The following CHD9 variants were observed in gnomAD, a reference collection of about 807,000 sequenced individuals.
CHD9 encodes ATP-dependent chromatin remodeler CHD9.
In CHD9, 77 loss-of-function variants were observed where a neutral mutation model predicts 316.1. The observed-to-expected ratio is 0.24, with a 90% confidence interval of 0.20 to 0.29. The LOEUF (loss-of-function observed/expected upper bound fraction) is 0.29, where lower values mean the gene tolerates loss of function less well. CHD9 is among the 10% of genes least tolerant of loss of function. CHD9 has a pLI of 1.00. For missense variants in CHD9, 2,763 were observed against 3,438.1 expected, an observed-to-expected ratio of 0.80 and a Z score of 4.91; for synonymous variants, 1,129 against 1,158.3, an observed-to-expected ratio of 0.97 and a Z score of 0.51.
At chr16:53,315,120 C>A in intron 36 of CHD9, 76 bp downstream of exon 36, 2 of 1,051,868 alleles carry the variant, frequency 1.9e-6, no homozygotes, top group Non-Finnish European at 2.8e-6. Flanking sequence ...AGCATAAATT[C>A]TCATCCACTT....
chr16:53,136,324 C>A lies in CHD9; in HGVS notation c.-164-19602C>A, dbSNP rs192038940. ...GACCTTTCTTGTCTAGTGGTCTTTT[C>A]ATATTAGTTTACTTACTAATCAGTA... On this transcript the variant is annotated intron_variant, in intron 1 of 38. Transcript: ENST00000447540. Among the ~76,000 whole-genome samples, 50 of 152,208 alleles carry A rather than the reference C, an allele frequency of 3.3e-4. 1 individual carries two copies. Among genetic ancestry groups the A allele is most frequent in the African/African-American group, 9.9e-4 (41 of 41,556 alleles).
At chr16:53,236,047 C>T (rs1377679921) in intron 11 of CHD9, among the ~76,000 whole-genome samples, 1 of 152,094 alleles carries the variant, frequency 6.6e-6, no homozygotes, top group Non-Finnish European at 1.5e-5. Flanking sequence ...GAGTCATGGA[C>T]TCAGTCGATG....
intron 2 of CHD9, among the ~76,000 whole-genome samples, chr16:53,189,532 C>CTA (rs1427980774): frequency 2.6e-5 from 4 of 151,358 alleles, no homozygotes; most frequent in South Asian, 2.1e-4. Flanking sequence ...GTATCTCTCT[C>CTA]TCTATATATA....
rs1356366741 is a variant in CHD9 at position 53,098,447 on chromosome 16, G to A, written c.-165+43370G>A. On this transcript the variant is annotated intron_variant, in intron 1 of 38. Transcript: ENST00000447540. Reference sequence around the variant, plus strand: ...GCTGATATGGCTCTGCCCCACTCCAGCCTGGGCAACAGAGTGAGACTCCGT... The same window carrying A: ...GCTGATATGGCTCTGCCCCACTCCAACCTGGGCAACAGAGTGAGACTCCGT... Among the ~76,000 whole-genome samples the A allele has an allele frequency of 2.1e-5, 3 of 142,258 alleles. No homozygotes were observed. The Admixed American group carries it at 2.2e-4, about 10-fold the overall frequency. The allele number at this position is 142,258 out of a possible 152,430, so 93.3% of individuals were successfully genotyped here. A position where few individuals can be genotyped will look rare whatever the true frequency, so the allele number is the denominator to read the frequency against.
At chr16:53,173,693 C>T (rs541035667) in intron 2 of CHD9, among the ~76,000 whole-genome samples, 3 of 152,006 alleles carry the variant, frequency 2.0e-5, no homozygotes, top group African/African-American at 7.2e-5. Context: ...TACGGGTGCC[C>T]GCCACCATGC....
intron 3 of CHD9, among the ~76,000 whole-genome samples, chr16:53,211,267 T>G (rs2046311974): frequency 1.3e-5 from 2 of 152,072 alleles, no homozygotes; most frequent in Admixed American, 6.5e-5. Flanking sequence ...GTAAATCTAG[T>G]TTAAGAAAAA....
At chr16:53,296,672 C>T (rs2054833409) in intron 29 of CHD9, among the ~76,000 whole-genome samples, 1 of 151,878 alleles carries the variant, frequency 6.6e-6, no homozygotes, top group Non-Finnish European at 1.5e-5. Flanking sequence ...GTCTCTATCT[C>T]CTGACCTTGC....
chr16:53,195,106 G>C (rs988697017), intron 2 of CHD9, among the ~76,000 whole-genome samples: 1 of 152,058 alleles, frequency 6.6e-6, no homozygotes, highest in Non-Finnish European at 1.5e-5. Flanking sequence ...CAAATTAAAA[G>C]TGAACAATTT....
At chr16:53,287,871 C>T (rs911229948) in intron 26 of CHD9, 86 bp from the exon 27 acceptor site, 8 of 1,125,266 alleles carry the variant, frequency 7.1e-6, no homozygotes, top group Non-Finnish European at 1.1e-5. Flanking sequence ...TTAAAACAAA[C>T]TAAAACCCTC....
chr16:53,123,188 C>A (rs991653405), intron 1 of CHD9, among the ~76,000 whole-genome samples: 1 of 145,058 alleles, frequency 6.9e-6, no homozygotes, highest in Non-Finnish European at 1.5e-5. Context: ...TTTTTTTTAA[C>A]CAGCTTTATT....
intron 2 of CHD9, among the ~76,000 whole-genome samples, chr16:53,196,252 C>A (rs570624527): frequency 6.6e-6 from 1 of 152,036 alleles, no homozygotes; most frequent in Non-Finnish European, 1.5e-5. Context: ...TTCATGAAAC[C>A]ACCACCAAAG....
At chr16:53,293,107 TAAA>T in intron 29 of CHD9, 55 bp downstream of exon 29, 1 of 1,437,494 alleles carries the variant, frequency 7.0e-7, no homozygotes, top group Non-Finnish European at 9.6e-7. Flanking sequence ...CTGTTCATTC[TAAA>T]GCCTGTCTGG....
At chr16:53,296,878 A>G (rs909008313) in intron 29 of CHD9, 78 bp from the exon 30 acceptor site, 45 of 919,454 alleles carry the variant, frequency 4.9e-5, no homozygotes, top group Non-Finnish European at 7.3e-5. Context: ...TTAAGTTTGT[A>G]TTATAGTCAT....
chr16:53,279,497 A>G (rs1179767426), intron 24 of CHD9, among the ~76,000 whole-genome samples: 2 of 152,178 alleles, frequency 1.3e-5, no homozygotes, highest in Non-Finnish European at 2.9e-5. Context: ...GTACCCTAGA[A>G]CTTGAAGTAT....
chr16:53,324,560 G>A lies in CHD9; in HGVS notation c.8359G>A (p.Ala2787Thr), dbSNP rs141823764. The change falls in exon 39 of 39, where the codon GCT becomes ACT. Residue 2787 changes from alanine (A) to threonine (T), a missense_variant. Coordinates refer to ENST00000447540, the MANE Select transcript of CHD9 (RefSeq NM_001308319.2). ...TACTGCTGCATTAAATACAGCTGCA[G>A]CTGCCAACCCATTAGCTCTTAACCC... ...SSTAALNTAA[A>T]ANPLALNPLL... 1.2e-6 allele frequency: 2 copies of A among 1,613,802 alleles called. No individual in the cohort carries two copies. The highest frequency in any genetic ancestry group is 1.3e-5 in the African/African-American group (1 of 75,050).
In CHD9 at chr16:53,146,413, G is replaced by GTGTA. The variant is rs1351343833; in HGVS notation, c.-164-9507_-164-9504dup. 2.0e-4 allele frequency among the ~76,000 whole-genome samples: 5 copies of GTGTA among 24,482 alleles called. 1 individual carries two copies. The highest frequency in any genetic ancestry group is 7.8e-4 in the African/African-American group (3 of 3,840). The allele number at this position is 24,482 out of a possible 152,430, so 16.1% of individuals were successfully genotyped here. A position where few individuals can be genotyped will look rare whatever the true frequency, so the allele number is the denominator to read the frequency against. On this transcript the variant is annotated intron_variant, in intron 1 of 38. Transcript: ENST00000447540. ...CTCAAAAAAAAAAAATTGTGTGTGTGTGTATGTATATATATATATATATAA... is the reference window on the plus strand; with the variant it reads ...CTCAAAAAAAAAAAATTGTGTGTGTGTGTATGTATGTATATATATATATATATAA...
At position 53,250,011 on chromosome 16, in the gene CHD9, C is replaced by T; in HGVS notation, c.3806C>T (p.Ala1269Val). 6.2e-7 allele frequency: 1 copy of T among 1,613,646 alleles called. No homozygotes were observed. Among genetic ancestry groups the T allele is most frequent in the Non-Finnish European group, 8.5e-7 (1 of 1,179,698 alleles). Reference protein sequence around the residue: ...RAGGLGINLTAADTCIIFDSD... With the variant: ...RAGGLGINLTVADTCIIFDSD... ...GGTGGGTTGGGCATCAACTTAACTGCAGCTGATACATGTATAATTTTTGAT... is the reference window on the plus strand; with the variant it reads ...GGTGGGTTGGGCATCAACTTAACTGTAGCTGATACATGTATAATTTTTGAT... Residue 1269 changes from alanine to valine, a missense_variant, in exon 17 of 39, where the codon GCA becomes GTA. By Grantham distance (64) the Ala-to-Val change is moderately conservative. Coordinates refer to ENST00000447540, the MANE Select transcript of CHD9 (RefSeq NM_001308319.2).
At chr16:53,247,794 T>C in intron 16 of CHD9, 1 of 261,104 alleles carries the variant, frequency 3.8e-6, no homozygotes. Context: ...TAATAAACCT[T>C]GTGGATGAAA....
intron 17 of CHD9, chr16:53,250,445 C>T: frequency 5.8e-6 from 1 of 171,212 alleles, no homozygotes; most frequent in Non-Finnish European, 1.3e-5. Context: ...GGTTTACAGG[C>T]ACGCATCATC....
Sources: allele counts gnomAD v4.1 joint callset (sites outside exome capture counted in the v4.1 genomes callset), GRCh38; gene constraint gnomAD v4.1.1; transcripts MANE v1.5; gene names NCBI Gene and HGNC (gene_info 2026-07-23, HGNC 2026-07-21).